The following MTUS2 variants were observed in gnomAD, a reference collection of about 807,000 sequenced individuals.
MTUS2 encodes microtubule-associated tumor suppressor candidate 2.
In MTUS2, 40 loss-of-function variants were observed where a neutral mutation model predicts 114.1. That is an observed-to-expected ratio of 0.35 (90% CI 0.27 to 0.46). The LOEUF is 0.46. MTUS2 is among the 20% of genes least tolerant of loss of function. The pLI is 1.00. For synonymous variants in MTUS2, 688 were observed against 672.0 expected, an observed-to-expected ratio of 1.02 and a Z score of -0.37; for missense variants, 1,679 against 1,705.4, an observed-to-expected ratio of 0.98 and a Z score of 0.27.
chr13:29,389,241 G>GTATATA (rs1185622617), intron 8 of MTUS2, among the ~76,000 whole-genome samples: 3 of 96,124 alleles, frequency 3.1e-5, no homozygotes, highest in African/African-American at 1.1e-4. Context: ...ATGTATGTGT[G>GTATATA]TATATATATG....
chr13:29,047,488 A>T (rs1222914918), intron 4 of MTUS2, among the ~76,000 whole-genome samples: 1 of 151,050 alleles, frequency 6.6e-6, no homozygotes, highest in Non-Finnish European at 1.5e-5. Flanking sequence ...GTTGAGCTAT[A>T]GTTCACATAC....
chr13:29,382,313 A>G (rs1872273059), intron 8 of MTUS2, among the ~76,000 whole-genome samples: 1 of 152,092 alleles, frequency 6.6e-6, no homozygotes, highest in African/African-American at 2.4e-5. Context: ...CACTTGGGGG[A>G]CAGATAGGCA....
At chr13:29,479,998 G>A (rs965741440) in intron 9 of MTUS2, 152 bp from the exon 10 acceptor site, 3 of 698,412 alleles carry the variant, frequency 4.3e-6, no homozygotes, top group African/African-American at 1.8e-5. Flanking sequence ...GGGTGGAAAG[G>A]AAAGCACTTT....
At chr13:29,438,793 T>C (rs9508452) in intron 8 of MTUS2, among the ~76,000 whole-genome samples, 150,587 of 152,312 alleles carry the variant, frequency 0.99, 74,459 homozygotes, top group East Asian at 1. Context: ...TAGCTCTCAG[T>C]GTATTATGAA....
chr13:29,382,032 A>G (rs143933971), intron 8 of MTUS2, among the ~76,000 whole-genome samples: 2 of 152,188 alleles, frequency 1.3e-5, no homozygotes, highest in East Asian at 1.9e-4. Context: ...CGCATGCTCT[A>G]TGCCCTCACA....
rs956935587 is a variant in MTUS2, at chr13:29,025,556, G to C, written c.858G>C (p.Leu286Phe). Residue 286 changes from leucine to phenylalanine, a missense_variant, in exon 3 of 16, where the codon TTG becomes TTC. By Grantham distance (22) the Leu-to-Phe change is conservative (BLOSUM62 0). Transcript: ENST00000612955. ...CCCATCCAGAGCCTGCTCTGAATTT[G>C]ACTTTGGCATCGAAGGAAATCCCAA... ...HSAHPEPALNLTLASKEIPSK... is the reference protein window; with the variant it reads ...HSAHPEPALNFTLASKEIPSK... The C allele has an allele frequency of 1.1e-5, 18 of 1,613,936 alleles. No individual in the cohort carries two copies. Among genetic ancestry groups the C allele is most frequent in the Non-Finnish European group, 1.5e-5 (18 of 1,179,856 alleles).
At chr13:29,286,061 G>T (rs1898467906) in intron 6 of MTUS2, among the ~76,000 whole-genome samples, 2 of 152,110 alleles carry the variant, frequency 1.3e-5, no homozygotes, top group Admixed American at 1.3e-4. Flanking sequence ...AAGTAGCTGG[G>T]ATTACAGATG....
At chr13:29,377,155 G>T (rs1871818642) in intron 8 of MTUS2, among the ~76,000 whole-genome samples, 1 of 152,162 alleles carries the variant, frequency 6.6e-6, no homozygotes, top group Non-Finnish European at 1.5e-5. Flanking sequence ...TCCAAATTCT[G>T]CTTTGAGATT....
intron 8 of MTUS2, among the ~76,000 whole-genome samples, chr13:29,383,869 T>A (rs924207231): frequency 5.9e-5 from 9 of 152,192 alleles, no homozygotes; most frequent in African/African-American, 2.2e-4. Context: ...GCCACTTACA[T>A]AGAGGAAACA....
chr13:28,832,088 G>C (rs1040967882), intron 1 of MTUS2, among the ~76,000 whole-genome samples: 2 of 152,108 alleles, frequency 1.3e-5, no homozygotes, highest in Non-Finnish European at 2.9e-5. Context: ...TCAAAAATGG[G>C]TTGAAACAGA....
At chr13:29,202,792 G>A (rs193154991) in intron 5 of MTUS2, among the ~76,000 whole-genome samples, 5 of 152,262 alleles carry the variant, frequency 3.3e-5, no homozygotes, top group Non-Finnish European at 7.4e-5. Context: ...AGAGTTTGCT[G>A]GAGATCCACT....
chr13:29,214,635 A>G (rs1286841445), intron 5 of MTUS2, among the ~76,000 whole-genome samples: 4 of 152,172 alleles, frequency 2.6e-5, no homozygotes, highest in African/African-American at 9.7e-5. Context: ...GTTTGCCTGG[A>G]TATGAAATTC....
intron 2 of MTUS2, among the ~76,000 whole-genome samples, chr13:28,913,670 G>T (rs545526262): frequency 1.3e-5 from 2 of 152,200 alleles, no homozygotes; most frequent in South Asian, 4.1e-4. Flanking sequence ...CAATTGTTGG[G>T]AATAGTTTCA....
At chr13:28,981,300 CT>C (rs1566267791) in intron 2 of MTUS2, among the ~76,000 whole-genome samples, 1 of 152,282 alleles carries the variant, frequency 6.6e-6, no homozygotes, top group East Asian at 1.9e-4. Flanking sequence ...AAAAGACAGT[CT>C]CAAATGCTAC....
At chr13:28,884,542 G>A (rs73161841) in intron 2 of MTUS2, among the ~76,000 whole-genome samples, 5 of 152,010 alleles carry the variant, frequency 3.3e-5, no homozygotes, top group Non-Finnish European at 7.4e-5. Flanking sequence ...AATTTTAAGA[G>A]TATTTTACCA....
chr13:29,077,805 T>G (rs1889262310), intron 4 of MTUS2, among the ~76,000 whole-genome samples: 1 of 152,232 alleles, frequency 6.6e-6, no homozygotes, highest in Non-Finnish European at 1.5e-5. Flanking sequence ...TCAAGAACGT[T>G]TGACAATGTT....
At chr13:28,949,988 A>T (rs1480227582) in intron 2 of MTUS2, among the ~76,000 whole-genome samples, 1 of 152,218 alleles carries the variant, frequency 6.6e-6, no homozygotes, top group Non-Finnish European at 1.5e-5. Context: ...GAATTTCTGG[A>T]TCATGCAGTA....
chr13:29,355,029 T>C (rs1391399025), intron 7 of MTUS2, among the ~76,000 whole-genome samples: 1 of 152,242 alleles, frequency 6.6e-6, no homozygotes, highest in Non-Finnish European at 1.5e-5. Flanking sequence ...CCATCTCTGA[T>C]GTTATAAATA....
rs527954227 is a variant in MTUS2 at position 29,261,303 on chromosome 13, C to A, written c.2645-20401C>A. Reference sequence around the variant, plus strand: ...GATTCTTTTTAAGAGTGCAAGAAATCTCAACCAGATGGTACAATCTGACTC... The same window carrying A: ...GATTCTTTTTAAGAGTGCAAGAAATATCAACCAGATGGTACAATCTGACTC... On this transcript the variant is annotated intron_variant, in intron 5 of 15. Transcript: ENST00000612955. 7.2e-5 allele frequency among the ~76,000 whole-genome samples: 11 copies of A among 152,288 alleles called. No individual in the cohort carries two copies. The East Asian group carries it at 1.9e-3, about 27-fold the overall frequency.
Sources: allele counts gnomAD v4.1 joint callset (sites outside exome capture counted in the v4.1 genomes callset), GRCh38; gene constraint gnomAD v4.1.1; transcripts MANE v1.5; gene names NCBI Gene and HGNC (gene_info 2026-07-23, HGNC 2026-07-21).